Variants in PRKCE observed in about 807,000 individuals in gnomAD.
The protein encoded by PRKCE is protein kinase C epsilon.
Under a neutral mutation model 85.4 loss-of-function variants are expected in PRKCE, and 16 were observed. The ratio of observed to expected loss-of-function variants is 0.19; its 90% CI spans 0.13 to 0.28. PRKCE has a LOEUF of 0.28. Ranked by LOEUF, PRKCE falls within the 10% of genes least tolerant of loss-of-function variation. The pLI is 1.00. For missense variants in PRKCE, 573 were observed against 975.2 expected, an observed-to-expected ratio of 0.59 and a Z score of 5.49; for synonymous variants, 388 against 371.5, an observed-to-expected ratio of 1.04 and a Z score of -0.51.
chr2:46,164,864 CA>C (rs895622039), intron 14 of PRKCE: 7 of 152,344 alleles, frequency 4.6e-5, no homozygotes, highest in Non-Finnish European at 7.3e-5. Context: ...GATGCAACAG[CA>C]CAACAGCTTT....
intron 10 of PRKCE, among the ~76,000 whole-genome samples, chr2:46,083,206 C>A (rs1291857339): frequency 6.6e-6 from 1 of 152,240 alleles, no homozygotes; most frequent in South Asian, 2.1e-4. Flanking sequence ...CTACCTCAGT[C>A]TCCCAAAGTT....
intron 11 of PRKCE, among the ~76,000 whole-genome samples, chr2:46,107,624 A>G (rs1289081342): frequency 6.6e-6 from 1 of 152,248 alleles, no homozygotes; most frequent in Non-Finnish European, 1.5e-5. Flanking sequence ...GCTTGGTAAG[A>G]AACTGCTAAA....
At chr2:46,051,571 G>T (rs1406981156) in intron 10 of PRKCE, among the ~76,000 whole-genome samples, 1 of 152,178 alleles carries the variant, frequency 6.6e-6, no homozygotes, top group Non-Finnish European at 1.5e-5. Context: ...CCTGAATCTA[G>T]CACCCGCTTT....
At chr2:46,104,539 C>T (rs905423915) in intron 11 of PRKCE, among the ~76,000 whole-genome samples, 4 of 152,136 alleles carry the variant, frequency 2.6e-5, no homozygotes, top group African/African-American at 9.6e-5. Context: ...CATTGGCAGT[C>T]CTTTCCATAG....
intron 10 of PRKCE, among the ~76,000 whole-genome samples, chr2:46,033,749 C>T (rs968169796): frequency 1.3e-5 from 2 of 152,226 alleles, no homozygotes; most frequent in South Asian, 2.1e-4. Context: ...GTGCAGGATT[C>T]GATAGAATCA....
intron 1 of PRKCE, among the ~76,000 whole-genome samples, chr2:45,672,133 G>C (rs763821614): frequency 6.6e-6 from 1 of 151,570 alleles, no homozygotes; most frequent in Non-Finnish European, 1.5e-5. Flanking sequence ...GAGTAAACAG[G>C]TTTCCTGATT....
intron 11 of PRKCE, among the ~76,000 whole-genome samples, chr2:46,107,477 C>G (rs1262862280): frequency 6.6e-6 from 1 of 152,208 alleles, no homozygotes; most frequent in African/African-American, 2.4e-5. Flanking sequence ...TGAAGGACAT[C>G]TTACTTCCAG....
intron 10 of PRKCE, among the ~76,000 whole-genome samples, chr2:46,017,088 G>A (rs1026860615): frequency 7.3e-5 from 11 of 150,158 alleles, no homozygotes; most frequent in Middle Eastern, 3.4e-3. Context: ...CATCTTAACC[G>A]TTTTTAAGTG....
chr2:45,854,499 T>A (rs1220439888), intron 2 of PRKCE, among the ~76,000 whole-genome samples: 1 of 152,124 alleles, frequency 6.6e-6, no homozygotes, highest in Non-Finnish European at 1.5e-5. Flanking sequence ...GGAGGAATCC[T>A]TGTATTAAAA....
At chr2:46,146,505 C>T (rs1201618350) in intron 12 of PRKCE, among the ~76,000 whole-genome samples, 1 of 152,168 alleles carries the variant, frequency 6.6e-6, no homozygotes, top group Non-Finnish European at 1.5e-5. Context: ...AAGATGGTAT[C>T]CTCAGGGATC....
chr2:45,953,737 T>TC (rs1170320316), intron 2 of PRKCE, among the ~76,000 whole-genome samples: 3 of 151,544 alleles, frequency 2.0e-5, no homozygotes, highest in Non-Finnish European at 4.4e-5. Flanking sequence ...GTGCCTGGGC[T>TC]CCCCCCGAAG....
intron 2 of PRKCE, among the ~76,000 whole-genome samples, chr2:45,899,374 AATTTTTTT>A (rs2103695703): frequency 6.6e-6 from 1 of 151,752 alleles, no homozygotes; most frequent in South Asian, 2.1e-4. Context: ...CTTTTTAAAA[AATTTTTTT>A]TCTTTTTTTT....
At chr2:46,084,708 G>A (rs1468251896) in intron 10 of PRKCE, among the ~76,000 whole-genome samples, 8 of 125,214 alleles carry the variant, frequency 6.4e-5, no homozygotes, top group African/African-American at 9.3e-5. Context: ...GCAACAGAGC[G>A]AGACTCCATC....
At chr2:46,027,111 G>C (rs1707172261) in intron 10 of PRKCE, among the ~76,000 whole-genome samples, 1 of 152,184 alleles carries the variant, frequency 6.6e-6, no homozygotes, top group Admixed American at 6.5e-5. Flanking sequence ...CAAGGCTGCA[G>C]TGAGCCATAA....
chr2:45,729,406 G>A (rs12616536), intron 1 of PRKCE, among the ~76,000 whole-genome samples: 2,654 of 152,254 alleles, frequency 0.017, 104 homozygotes, highest in East Asian at 0.14. Context: ...ATCCTAATAC[G>A]CTTATGAGAC....
chr2:45,734,704 C>T (rs1294062562), intron 1 of PRKCE, among the ~76,000 whole-genome samples: 1 of 152,168 alleles, frequency 6.6e-6, no homozygotes, highest in African/African-American at 2.4e-5. Context: ...TTTTGATGCG[C>T]AGATCCCCCC....
intron 1 of PRKCE, among the ~76,000 whole-genome samples, chr2:45,707,389 T>G (rs972514250): frequency 1.3e-5 from 2 of 152,242 alleles, no homozygotes; most frequent in Non-Finnish European, 2.9e-5. Context: ...ACACCTTATA[T>G]TCCCATAGAA....
chr2:45,671,508 G>C (rs1558540830), intron 1 of PRKCE, among the ~76,000 whole-genome samples: 1 of 152,058 alleles, frequency 6.6e-6, no homozygotes, highest in Non-Finnish European at 1.5e-5. Flanking sequence ...TATTTAAAAA[G>C]GCAATCAAAT....
chr2:45,697,050 C>A lies in PRKCE; in HGVS notation c.348+44602C>A, dbSNP rs563412432. ...GTTTGGTGCAGAGCTGAAAGCAAACCTTTTTGTGACTACATTAATGTCCAT... is the reference window on the plus strand; with the variant it reads ...GTTTGGTGCAGAGCTGAAAGCAAACATTTTTGTGACTACATTAATGTCCAT... On this transcript the variant is annotated intron_variant, in intron 1 of 14. Coordinates refer to ENST00000306156, the MANE Select transcript of PRKCE (RefSeq NM_005400.3). This position sits in a 1 kb window ranked among gnomAD's most constrained non-coding sequence, Gnocchi z 4.2. 3.3e-5 allele frequency among the ~76,000 whole-genome samples: 5 copies of A among 152,328 alleles called. No individual in the cohort carries two copies. Among genetic ancestry groups the A allele is most frequent in the South Asian group, 2.1e-4 (1 of 4,830 alleles).
Sources: gnomAD v4.1 joint callset for allele counts (sites outside exome capture counted in the v4.1 genomes callset) on GRCh38, gnomAD v4.1.1 for gene constraint, Gnocchi (gnomAD v3.1) non-coding constraint, MANE v1.5 for transcripts, NCBI Gene and HGNC (gene_info 2026-07-23, HGNC 2026-07-21) for gene names.